FN1: variants seen among roughly 807,000 people sequenced by gnomAD.
FN1 encodes the protein fibronectin.
Under a neutral mutation model 297.3 loss-of-function variants are expected in FN1, and 106 were observed. That is an observed-to-expected ratio of 0.36 (90% CI 0.30 to 0.42). FN1 has a LOEUF of 0.42. Among genes scored for constraint, FN1 ranks in the 10% least tolerant of loss-of-function variants. FN1 has a pLI of 1.00. For synonymous variants in FN1, 1,149 were observed against 1,152.6 expected (o/e 1.00, Z 0.06); for missense variants, 2,690 against 3,124.9 (o/e 0.86, Z 3.32).
At chr2:215,400,798 A>AT (rs2060917232) in intron 20 of FN1, among the ~76,000 whole-genome samples, 1 of 149,566 alleles carries the variant, frequency 6.7e-6, no homozygotes, top group Non-Finnish European at 1.5e-5. Flanking sequence ...AATTTTACTT[A>AT]AACAATTTTT....
In FN1 at chr2:215,371,898, CAATT is replaced by C. The variant is rs755417021; in HGVS notation, c.6714+7_6714+10del. On this transcript the variant is annotated splice_region_variant and intron_variant, in intron 40 of 45. Coordinates refer to ENST00000354785, the MANE Select transcript of FN1 (RefSeq NM_212482.4). ...GCTGCCCCATGAGAAGTGAAGAGAA[CAATT>C]AATTACCTGTAAGGGTTCTTCATCA... 9.2e-5 allele frequency: 147 copies of C among 1,603,266 alleles called. No individual in the cohort carries two copies. Among genetic ancestry groups the C allele is most frequent in the African/African-American group, 2.7e-4 (20 of 74,798 alleles).
chr2:215,435,134 G>A (rs558428714), intron 1 of FN1, among the ~76,000 whole-genome samples: 1 of 152,258 alleles, frequency 6.6e-6, no homozygotes, highest in Admixed American at 6.5e-5. Flanking sequence ...TTTGAAAAAC[G>A]GAAAGAATTC....
chr2:215,379,563 A>C, intron 33 of FN1: 1 of 408,082 alleles, frequency 2.5e-6, no homozygotes, highest in Non-Finnish European at 4.4e-6. Context: ...AAATGCCAAA[A>C]CTCTAAGAGA....
chr2:215,407,958 A>T, intron 17 of FN1, 150 bp downstream of exon 17: 2 of 92,286 alleles, frequency 2.2e-5, no homozygotes, highest in Non-Finnish European at 4.0e-5. Flanking sequence ...CCCCCGCCAC[A>T]CACACACACA....
chr2:215,430,469 G>A (rs7560554), intron 5 of FN1, among the ~76,000 whole-genome samples: 1 of 151,892 alleles, frequency 6.6e-6, no homozygotes, highest in African/African-American at 2.4e-5. Flanking sequence ...TAAACCTTTT[G>A]TTCAACTCTA....
intron 6 of FN1, among the ~76,000 whole-genome samples, chr2:215,427,642 A>C (rs1205518945): frequency 1.3e-5 from 2 of 152,238 alleles, no homozygotes; most frequent in Non-Finnish European, 2.9e-5. Context: ...GAATGTAACA[A>C]AGTTTGCCAG....
intron 16 of FN1, 28 bp downstream of exon 16, chr2:215,408,270 C>CT: frequency 6.2e-7 from 1 of 1,614,038 alleles, no homozygotes; most frequent in East Asian, 2.2e-5. Context: ...GAAAAAGATT[C>CT]TTTTAACACT....
chr2:215,428,422 T>A, intron 5 of FN1, 84 bp from the exon 6 acceptor site: 4 of 1,176,508 alleles, frequency 3.4e-6, no homozygotes, highest in African/African-American at 1.5e-5. Context: ...ATGCTATCTA[T>A]GCCTGGTAAT....
chr2:215,384,439 T>C (rs1476499087), intron 29 of FN1: 1 of 514,644 alleles, frequency 1.9e-6, no homozygotes, highest in Non-Finnish European at 3.5e-6. Context: ...AGTAGTAGAG[T>C]AGCATTAGAA....
In FN1 at chr2:215,384,659, G is replaced by C. The variant is rs116272028; in HGVS notation, c.4729+201C>G. 925 of 531,926 alleles carry C rather than the reference G, an allele frequency of 1.7e-3. 8 individuals carry two copies. Among genetic ancestry groups the C allele is most frequent in the African/African-American group, 0.017 (868 of 52,558 alleles). The allele number at this position is 531,926 out of a possible 1,614,324, so 33.0% of individuals were successfully genotyped here. A position where few individuals can be genotyped will look rare whatever the true frequency, so the allele number is the denominator to read the frequency against. ...CAGCTCTGCCGTTCCCCCTCTAGTTGTAGTATATAAACAACTTTTTATTTG... is the reference window on the plus strand; with the variant it reads ...CAGCTCTGCCGTTCCCCCTCTAGTTCTAGTATATAAACAACTTTTTATTTG... On this transcript the variant is annotated intron_variant, in intron 29 of 45. Coordinates refer to ENST00000354785, the MANE Select transcript of FN1 (RefSeq NM_212482.4).
intron 25 of FN1, 131 bp downstream of exon 25, chr2:215,392,800 C>T (rs1559438177): frequency 1.0e-6 from 1 of 1,001,928 alleles, no homozygotes; most frequent in Non-Finnish European, 1.6e-6. Context: ...TCCTTATCCC[C>T]CCAATCCACC....
Position 215,407,289 on chromosome 2 carries a change from C to T in FN1, c.2551G>A (p.Gly851Ser). Reference protein sequence around the residue: ...YRIVYSPSVEGSSTELNLPET... With the variant: ...YRIVYSPSVESSSTELNLPET... ...GGAAGGTTGAGTTCTGTGCTGCTACCTTCTACTGATGGCGAATAGACTATT... is the reference window on the plus strand; with the variant it reads ...GGAAGGTTGAGTTCTGTGCTGCTACTTTCTACTGATGGCGAATAGACTATT... The change falls in exon 18 of 46, where the codon GGT becomes AGT. Residue 851 changes from glycine to serine, a missense_variant. Gly to Ser is a moderately conservative substitution (Grantham distance 56). Around this residue, in one of 3 missense-constraint regions of FN1, gnomAD observed 71 missense variants for 121.7 expected, o/e 0.58. Coordinates refer to ENST00000354785, the MANE Select transcript of FN1 (RefSeq NM_212482.4). 6.2e-7 allele frequency: 1 copy of T among 1,614,160 alleles called. No homozygotes were observed. The highest frequency in any genetic ancestry group is 8.5e-7 in the Non-Finnish European group (1 of 1,180,014).
In FN1 at chr2:215,368,032, G is replaced by A. The variant is rs1192219269; in HGVS notation, c.6854-5C>T. ...GTTGGTTCAAGCCTTCGTTGACTAT[G>A]AAGAAAAGGAAGAAAAAGCAAAAAG... On this transcript the variant is annotated splice_polypyrimidine_tract_variant and splice_region_variant and intron_variant, in intron 41 of 45. Transcript: ENST00000354785. The A allele has an allele frequency of 6.2e-7, 1 of 1,613,922 alleles. No individual in the cohort carries two copies.
intron 12 of FN1, among the ~76,000 whole-genome samples, chr2:215,417,265 A>G (rs1044199891): frequency 1.3e-5 from 2 of 152,196 alleles, no homozygotes; most frequent in Admixed American, 1.3e-4. Context: ...TCTCTTATTC[A>G]ATATGAATAA....
At chr2:215,435,479 G>A (rs2067304485) in intron 1 of FN1, among the ~76,000 whole-genome samples, 176 bp downstream of exon 1, 1 of 152,164 alleles carries the variant, frequency 6.6e-6, no homozygotes, top group Non-Finnish European at 1.5e-5. Flanking sequence ...ATCATCCCAG[G>A]CCCTCAGAAC....
At chr2:215,381,987 AAGCAC>A (rs569409519) in intron 32 of FN1, 116 of 505,296 alleles carry the variant, frequency 2.3e-4, no homozygotes, top group African/African-American at 2.1e-3. Flanking sequence ...AAGAAATTCA[AAGCAC>A]AGCAACTAAC....
rs1028652910 is a variant in FN1 at position 215,361,437 on chromosome 2, C to T, written c.*118G>A. On this transcript the variant is annotated 3_prime_UTR_variant, in exon 46 of 46. Transcript: ENST00000354785. Reference sequence around the variant, plus strand: ...TTGAGCTGAAGCTGGAGAACTTCCTCCAGAGCAAAGGGCTTAAGAAAGAAA... The same window carrying T: ...TTGAGCTGAAGCTGGAGAACTTCCTTCAGAGCAAAGGGCTTAAGAAAGAAA... 7.3e-6 allele frequency: 6 copies of T among 824,686 alleles called. No individual in the cohort carries two copies. Among genetic ancestry groups the T allele is most frequent in the Admixed American group, 5.1e-5 (3 of 58,652 alleles). The allele number at this position is 824,686 out of a possible 1,614,324, so 51.1% of individuals were successfully genotyped here.
chr2:215,383,655 A>C (rs758349676), intron 30 of FN1, among the ~76,000 whole-genome samples, 172 bp from the exon 31 acceptor site: 5 of 152,216 alleles, frequency 3.3e-5, no homozygotes, highest in Non-Finnish European at 5.9e-5. Flanking sequence ...AGGCATCTCA[A>C]TACCATTTCC....
rs756072058 is a variant in FN1, at chr2:215,409,944, TGTGCTG to T, written c.2106_2111del (p.Ser703_Thr704del). 4 of 1,613,728 alleles carry T rather than the reference TGTGCTG, an allele frequency of 2.5e-6. No individual in the cohort carries two copies. The Admixed American group carries it at 5.0e-5, about 20-fold the overall frequency. On this transcript the variant is annotated inframe_deletion, in exon 14 of 46. Coordinates refer to ENST00000354785, the MANE Select transcript of FN1 (RefSeq NM_212482.4). ...TGGTTGTGTACATACTGGTCACAGG[TGTGCTG>T]GTGCTGGTGGTGGTGAAGTCAAAGC...
Sources: allele counts gnomAD v4.1 joint callset (sites outside exome capture counted in the v4.1 genomes callset), GRCh38; gene constraint gnomAD v4.1.1; regional missense constraint gnomAD v4.1.1; transcripts MANE v1.5; gene names NCBI Gene and HGNC (gene_info 2026-07-23, HGNC 2026-07-21).